The following KDM4C variants were observed in gnomAD, a reference collection of about 807,000 sequenced individuals.
KDM4C encodes the protein lysine demethylase 4C, also known as lysine-specific demethylase 4C.
KDM4C carries 81 observed loss-of-function variants against 129.3 expected under a neutral mutation model. The ratio of observed to expected loss-of-function variants is 0.63; its 90% CI spans 0.52 to 0.75. KDM4C has a LOEUF of 0.75. Ranked by LOEUF, KDM4C falls within the 30% of genes least tolerant of loss-of-function variation. The pLI, the probability that KDM4C is intolerant of heterozygous loss-of-function variation, is 0.00. For synonymous variants in KDM4C, 573 were observed against 456.1 expected, an observed-to-expected ratio of 1.26 and a Z score of -3.26; for missense variants, 1,457 against 1,304.0, an observed-to-expected ratio of 1.12 and a Z score of -1.81.
chr9:6,806,121 A>C (rs543926719), intron 3 of KDM4C, among the ~76,000 whole-genome samples: 1 of 152,176 alleles, frequency 6.6e-6, no homozygotes, highest in Non-Finnish European at 1.5e-5. Flanking sequence ...TATGTATTAG[A>C]AGATTAGTAC....
intron 8 of KDM4C, among the ~76,000 whole-genome samples, chr9:6,929,667 T>G (rs1307271436): frequency 6.6e-6 from 1 of 152,008 alleles, no homozygotes; most frequent in Non-Finnish European, 1.5e-5. Flanking sequence ...AACTCATGAA[T>G]TGTCTGGTTG....
At chr9:6,813,193 A>G (rs1449299433) in intron 3 of KDM4C, among the ~76,000 whole-genome samples, 1 of 151,940 alleles carries the variant, frequency 6.6e-6, no homozygotes, top group Non-Finnish European at 1.5e-5. Context: ...CAGAAGAAAA[A>G]CATTAAAAAA....
At chr9:7,015,764 T>C in intron 14 of KDM4C, 89 bp from the exon 15 acceptor site, 1 of 839,732 alleles carries the variant, frequency 1.2e-6, no homozygotes, top group African/African-American at 1.7e-5. Flanking sequence ...TAGGCTAGTG[T>C]CCCATTTTTA....
At chr9:7,095,059 T>C (rs1046695132) in intron 17 of KDM4C, among the ~76,000 whole-genome samples, 1 of 152,212 alleles carries the variant, frequency 6.6e-6, no homozygotes, top group Non-Finnish European at 1.5e-5. Flanking sequence ...TAAGTATATA[T>C]AGCAGGAATA....
intron 12 of KDM4C, among the ~76,000 whole-genome samples, 190 bp downstream of exon 12, chr9:6,990,714 T>C (rs1182214620): frequency 6.6e-6 from 1 of 152,188 alleles, no homozygotes; most frequent in Non-Finnish European, 1.5e-5. Flanking sequence ...GTACTTCATA[T>C]AAGCTAGCCT....
chr9:6,869,172 C>G (rs909014987), intron 5 of KDM4C, among the ~76,000 whole-genome samples: 5 of 152,186 alleles, frequency 3.3e-5, no homozygotes, highest in African/African-American at 1.2e-4. Flanking sequence ...TTTTTTCTCA[C>G]TGTGGCTTCC....
intron 15 of KDM4C, among the ~76,000 whole-genome samples, chr9:7,031,362 T>C (rs1427071645): frequency 1.3e-5 from 2 of 152,064 alleles, no homozygotes; most frequent in Non-Finnish European, 2.9e-5. Flanking sequence ...GGTTTCACCG[T>C]GTTGGCCAGG....
At chr9:6,967,739 A>T (rs545047962) in intron 8 of KDM4C, among the ~76,000 whole-genome samples, 17 of 152,282 alleles carry the variant, frequency 1.1e-4, no homozygotes, top group African/African-American at 3.6e-4. Flanking sequence ...GAGCCCTATT[A>T]TCCTCGAGTT....
At chr9:6,793,501 A>T (rs546426380) in intron 2 of KDM4C, among the ~76,000 whole-genome samples, 1 of 149,834 alleles carries the variant, frequency 6.7e-6, no homozygotes, top group East Asian at 2.0e-4. Flanking sequence ...TCTCTCTCCT[A>T]TCCTTTTTCT....
intron 17 of KDM4C, among the ~76,000 whole-genome samples, chr9:7,053,127 C>T (rs760682814): frequency 2.6e-5 from 4 of 152,018 alleles, no homozygotes; most frequent in Non-Finnish European, 4.4e-5. Flanking sequence ...GGTGGGCAAG[C>T]ATAAGTTTAA....
intron 16 of KDM4C, among the ~76,000 whole-genome samples, chr9:7,048,702 C>G (rs1564040039): frequency 6.6e-6 from 1 of 152,038 alleles, no homozygotes; most frequent in Non-Finnish European, 1.5e-5. Context: ...CCAGTTCATA[C>G]CTTTTATTAA....
At chr9:6,906,982 A>G (rs570162091) in intron 8 of KDM4C, among the ~76,000 whole-genome samples, 1 of 152,360 alleles carries the variant, frequency 6.6e-6, no homozygotes, top group South Asian at 2.1e-4. Context: ...CAAGGATTCT[A>G]GAAACTATTC....
intron 6 of KDM4C, among the ~76,000 whole-genome samples, chr9:6,885,681 T>C (rs1845153060): frequency 6.6e-6 from 1 of 151,674 alleles, no homozygotes. Flanking sequence ...TTTTATAGAC[T>C]ATGGAGTGAG....
chr9:6,738,887 C>A (rs1588048533), intron 1 of KDM4C, among the ~76,000 whole-genome samples: 2 of 151,228 alleles, frequency 1.3e-5, no homozygotes, highest in East Asian at 3.9e-4. Flanking sequence ...GCCTGGCCGC[C>A]CAGCTAATTT....
chr9:6,788,071 C>T (rs1181470744), intron 1 of KDM4C, among the ~76,000 whole-genome samples: 2 of 152,190 alleles, frequency 1.3e-5, no homozygotes, highest in African/African-American at 4.8e-5. Flanking sequence ...AAATGTTCTT[C>T]TTCCAGATAT....
At chr9:6,969,376 A>T (rs11791343) in intron 8 of KDM4C, among the ~76,000 whole-genome samples, 6,116 of 152,202 alleles carry the variant, frequency 0.04, 411 homozygotes, top group African/African-American at 0.14. Context: ...TTTAAACAGC[A>T]ATCTAAAAAT....
intron 4 of KDM4C, among the ~76,000 whole-genome samples, chr9:6,828,863 C>G (rs1198664658): frequency 1.5e-5 from 2 of 136,692 alleles, no homozygotes; most frequent in African/African-American, 3.0e-5. Flanking sequence ...AAGATCGAAA[C>G]TCCGTCTCAA....
At chr9:7,091,331 A>G (rs1042678293) in intron 17 of KDM4C, among the ~76,000 whole-genome samples, 9 of 152,038 alleles carry the variant, frequency 5.9e-5, no homozygotes, top group Non-Finnish European at 1.2e-4. Context: ...GAAAAAAAAA[A>G]AGATTTCGGC....
chr9:7,004,986 AG>A (rs1248859294), intron 12 of KDM4C, among the ~76,000 whole-genome samples: 5 of 152,176 alleles, frequency 3.3e-5, no homozygotes, highest in Non-Finnish European at 5.9e-5. Flanking sequence ...ACTTAGTCAC[AG>A]CCATGGCCCC....
Sources: allele counts gnomAD v4.1 joint callset (sites outside exome capture counted in the v4.1 genomes callset), GRCh38; gene constraint gnomAD v4.1.1; transcripts MANE v1.5; gene names NCBI Gene and HGNC (gene_info 2026-07-23, HGNC 2026-07-21).